HS2ST1: variants seen among roughly 807,000 people sequenced by gnomAD.
HS2ST1 encodes the protein 2-O-sulfotransferase.
A neutral mutation model predicts 42.9 loss-of-function variants in HS2ST1; 18 were observed. The ratio of observed to expected loss-of-function variants is 0.42; its 90% CI spans 0.29 to 0.62. The LOEUF is 0.62. HS2ST1 is among the 20% of genes least tolerant of loss of function. The pLI is 0.21. For missense variants in HS2ST1, 334 were observed against 433.8 expected (o/e 0.77, Z 2.04); for synonymous variants, 146 against 152.9 (o/e 0.95, Z 0.33).
intron 1 of HS2ST1, among the ~76,000 whole-genome samples, chr1:86,980,848 TAAGA>T (rs1648557344): frequency 6.6e-6 from 1 of 152,218 alleles, no homozygotes; most frequent in Non-Finnish European, 1.5e-5. Context: ...GTCATTTTTA[TAAGA>T]AAGAAATAGT....
At chr1:87,009,436 C>T (rs534186438) in intron 1 of HS2ST1, among the ~76,000 whole-genome samples, 42 of 152,288 alleles carry the variant, frequency 2.8e-4, no homozygotes, top group African/African-American at 1.0e-3. Flanking sequence ...GCCAGTTAGC[C>T]AGTACTAACA....
intron 1 of HS2ST1, among the ~76,000 whole-genome samples, chr1:86,933,004 A>C (rs1162585515): frequency 6.6e-6 from 1 of 152,206 alleles, no homozygotes; most frequent in Non-Finnish European, 1.5e-5. Context: ...GATTAAAATT[A>C]TAATTAAAAT....
At chr1:86,977,274 A>T (rs2102216476) in intron 1 of HS2ST1, among the ~76,000 whole-genome samples, 1 of 152,332 alleles carries the variant, frequency 6.6e-6, no homozygotes, top group East Asian at 1.9e-4. Flanking sequence ...ATACACTAGT[A>T]GTCAAAGCCA....
At chr1:86,985,615 AT>A (rs1648762805) in intron 1 of HS2ST1, among the ~76,000 whole-genome samples, 1 of 151,276 alleles carries the variant, frequency 6.6e-6, no homozygotes, top group South Asian at 2.1e-4. Context: ...TTTAAAATAG[AT>A]TTTTGGAATA....
chr1:86,960,136 C>T (rs1235159940), intron 1 of HS2ST1, among the ~76,000 whole-genome samples: 1 of 151,446 alleles, frequency 6.6e-6, no homozygotes. Flanking sequence ...GTAAATTGAT[C>T]CTTGACAAAG....
chr1:87,102,963 C>T (rs1485049049), intron 5 of HS2ST1, among the ~76,000 whole-genome samples: 2 of 152,150 alleles, frequency 1.3e-5, no homozygotes, highest in East Asian at 1.9e-4. Flanking sequence ...AGATTCTTAG[C>T]AGAGCCATTA....
At chr1:86,966,623 G>A (rs188140345) in intron 1 of HS2ST1, among the ~76,000 whole-genome samples, 29 of 152,252 alleles carry the variant, frequency 1.9e-4, no homozygotes, top group African/African-American at 6.7e-4. Context: ...TGTTTTGTTT[G>A]TTTGTTTGAG....
intron 1 of HS2ST1, among the ~76,000 whole-genome samples, chr1:87,017,513 A>G (rs1382064771): frequency 2.6e-5 from 4 of 152,182 alleles, no homozygotes; most frequent in African/African-American, 9.7e-5. Context: ...TATGTTATAT[A>G]TACATAGCAA....
At chr1:87,058,160 C>T (rs1339277552) in intron 1 of HS2ST1, among the ~76,000 whole-genome samples, 1 of 151,702 alleles carries the variant, frequency 6.6e-6, no homozygotes, top group Non-Finnish European at 1.5e-5. Context: ...TTTCAGCTCT[C>T]ATCAGTGCAG....
chr1:86,968,141 T>C (rs1648115794), intron 1 of HS2ST1, among the ~76,000 whole-genome samples: 2 of 152,190 alleles, frequency 1.3e-5, no homozygotes, highest in South Asian at 2.1e-4. Flanking sequence ...TTATTTGTTT[T>C]CTTCTTACTG....
intron 1 of HS2ST1, among the ~76,000 whole-genome samples, chr1:87,047,233 A>G (rs1327833816): frequency 1.3e-5 from 2 of 152,042 alleles, no homozygotes; most frequent in Non-Finnish European, 2.9e-5. Context: ...TCTTATCTGC[A>G]TATCTCTTTT....
chr1:86,927,948 C>T (rs1660454750), intron 1 of HS2ST1, among the ~76,000 whole-genome samples: 1 of 152,016 alleles, frequency 6.6e-6, no homozygotes, highest in African/African-American at 2.4e-5. Context: ...CATAGCTTGT[C>T]TTCAGACAAT....
At chr1:86,981,017 TAGGGAGGCCTC>T (rs1298439455) in intron 1 of HS2ST1, among the ~76,000 whole-genome samples, 1 of 152,078 alleles carries the variant, frequency 6.6e-6, no homozygotes, top group Non-Finnish European at 1.5e-5. Context: ...TCCACATGGC[TAGGGAGGCCTC>T]AGGAAACTTA....
chr1:86,980,902 AAT>A, intron 1 of HS2ST1, among the ~76,000 whole-genome samples: 1 of 152,362 alleles, frequency 6.6e-6, no homozygotes, highest in South Asian at 2.1e-4. Flanking sequence ...AAAAGTGTGT[AAT>A]ATATGAGTAT....
rs116704851 is a variant in HS2ST1, at chr1:86,937,186, G to A, written c.124+22026G>A. Among the ~76,000 whole-genome samples the A allele has an allele frequency of 7.9e-3, 1,204 of 152,004 alleles. 12 individuals carry two copies. Among genetic ancestry groups the A allele is most frequent in the African/African-American group, 0.027 (1,133 of 41,460 alleles). ...ACACTATTTGCAAACTGATATTCCC[G>A]AATTTAAATAGACTTATCAAAATTG... On this transcript the variant is annotated intron_variant, in intron 1 of 6. Coordinates refer to ENST00000370550, the MANE Select transcript of HS2ST1 (RefSeq NM_012262.4).
intron 1 of HS2ST1, among the ~76,000 whole-genome samples, chr1:86,939,772 G>T (rs1482351464): frequency 6.6e-6 from 1 of 152,142 alleles, no homozygotes; most frequent in South Asian, 2.1e-4. Context: ...TATCATGAAT[G>T]TGTAAAATGA....
chr1:87,041,798 T>C (rs559218261), intron 1 of HS2ST1, among the ~76,000 whole-genome samples: 22 of 152,338 alleles, frequency 1.4e-4, no homozygotes, highest in African/African-American at 5.0e-4. Context: ...AATATTTTAC[T>C]GTGTGTATAT....
chr1:86,978,046 TATGCCTAGATA>T (rs1385246133), intron 1 of HS2ST1, among the ~76,000 whole-genome samples: 1 of 152,230 alleles, frequency 6.6e-6, no homozygotes, highest in Non-Finnish European at 1.5e-5. Context: ...TGATCTTTTC[TATGCCTAGATA>T]CACAAGTACC....
At chr1:86,976,112 G>C (rs1434778358) in intron 1 of HS2ST1, among the ~76,000 whole-genome samples, 1 of 152,182 alleles carries the variant, frequency 6.6e-6, no homozygotes, top group Non-Finnish European at 1.5e-5. Context: ...CAGAAACATA[G>C]TTTGGAATAA....
Sources: allele counts gnomAD v4.1 joint callset (sites outside exome capture counted in the v4.1 genomes callset), GRCh38; gene constraint gnomAD v4.1.1; transcripts MANE v1.5; gene names NCBI Gene and HGNC (gene_info 2026-07-23, HGNC 2026-07-21).